Variants in RARB observed in about 807,000 individuals in gnomAD.
RARB encodes retinoic acid receptor beta, also known as HBV-activated protein.
In RARB, 17 loss-of-function variants were observed where a neutral mutation model predicts 51.9. That is an observed-to-expected ratio of 0.33 (90% CI 0.22 to 0.49). RARB has a LOEUF of 0.49. Ranked by LOEUF, RARB falls within the 20% of genes least tolerant of loss-of-function variation. The probability of loss-of-function intolerance (pLI) is 0.99; values close to 1 mark genes in which losing one functional copy is unlikely to be tolerated. For missense variants in RARB, 369 were observed against 550.8 expected, an observed-to-expected ratio of 0.67 and a Z score of 3.30; for synonymous variants, 215 against 195.4, an observed-to-expected ratio of 1.10 and a Z score of -0.84.
intron 5 of RARB, among the ~76,000 whole-genome samples, chr3:25,180,149 C>T (rs1159707507): frequency 6.6e-6 from 1 of 152,058 alleles, no homozygotes; most frequent in Non-Finnish European, 1.5e-5. Context: ...ATCATAAAGA[C>T]GGGAATGACT....
At chr3:24,930,621 A>C (rs1041182428) in intron 2 of RARB, among the ~76,000 whole-genome samples, 7 of 152,114 alleles carry the variant, frequency 4.6e-5, no homozygotes, top group Admixed American at 2.6e-4. Context: ...AAACATTTAC[A>C]TAGTGTCTGC....
chr3:25,046,678 C>T (rs954579381), intron 2 of RARB, among the ~76,000 whole-genome samples: 2 of 152,092 alleles, frequency 1.3e-5, no homozygotes, highest in African/African-American at 4.8e-5. Context: ...TGGTTTCAAA[C>T]TCCTGTCCTC....
At chr3:25,496,294 A>G (rs958164228) in intron 2 of RARB, among the ~76,000 whole-genome samples, 2 of 152,096 alleles carry the variant, frequency 1.3e-5, no homozygotes, top group Admixed American at 6.5e-5. Flanking sequence ...AAATTGAAAC[A>G]TTTTCCTGCC....
intron 3 of RARB, among the ~76,000 whole-genome samples, chr3:25,559,491 T>C (rs1646767132): frequency 6.6e-6 from 1 of 152,220 alleles, no homozygotes; most frequent in Admixed American, 6.5e-5. Context: ...TCTAGCTCAG[T>C]GCATGATAGT....
intron 2 of RARB, among the ~76,000 whole-genome samples, chr3:24,950,625 C>G (rs1213399506): frequency 6.6e-6 from 1 of 151,038 alleles, no homozygotes; most frequent in Non-Finnish European, 1.5e-5. Flanking sequence ...CCATTGTTGT[C>G]ATGTTTGCTA....
chr3:24,918,547 G>C (rs148939260), intron 2 of RARB, among the ~76,000 whole-genome samples: 2 of 152,268 alleles, frequency 1.3e-5, no homozygotes, highest in Admixed American at 6.5e-5. Context: ...GAATGTTATG[G>C]TATGTTAATA....
chr3:25,496,546 T>C (rs973453736), intron 2 of RARB, among the ~76,000 whole-genome samples: 3 of 152,226 alleles, frequency 2.0e-5, no homozygotes, highest in Admixed American at 2.0e-4. Flanking sequence ...AAATGCACAG[T>C]GCCTATTGGG....
At chr3:25,238,853 C>T (rs1010446296) in intron 5 of RARB, among the ~76,000 whole-genome samples, 8 of 152,072 alleles carry the variant, frequency 5.3e-5, no homozygotes, top group Non-Finnish European at 8.8e-5. Context: ...ATGGCGCGTG[C>T]CTGTAGTCCC....
chr3:25,077,712 GTGTGTGTA>G (rs1186591152), intron 3 of RARB, among the ~76,000 whole-genome samples: 3 of 152,098 alleles, frequency 2.0e-5, no homozygotes, highest in African/African-American at 7.2e-5. Flanking sequence ...CACAGAGTGT[GTGTGTGTA>G]TGTGTGTATG....
intron 2 of RARB, among the ~76,000 whole-genome samples, chr3:24,903,827 A>C (rs11927180): frequency 0.061 from 9,221 of 152,270 alleles, 434 homozygotes; most frequent in East Asian, 0.15. Flanking sequence ...TTTTTAAAAG[A>C]ATCTTAAGGA....
At chr3:25,470,622 T>G (rs550226181) in intron 2 of RARB, among the ~76,000 whole-genome samples, 1 of 152,330 alleles carries the variant, frequency 6.6e-6, no homozygotes, top group African/African-American at 2.4e-5. Context: ...AATCTATCCA[T>G]TCTGTTAACA....
chr3:24,933,204 T>G (rs1381288809), intron 2 of RARB, among the ~76,000 whole-genome samples: 1 of 152,070 alleles, frequency 6.6e-6, no homozygotes, highest in Non-Finnish European at 1.5e-5. Flanking sequence ...TTCAAATAAC[T>G]CTGCATCATT....
At chr3:25,571,083 G>A (rs1700692576) in intron 4 of RARB, among the ~76,000 whole-genome samples, 1 of 152,160 alleles carries the variant, frequency 6.6e-6, no homozygotes, top group Non-Finnish European at 1.5e-5. Flanking sequence ...CATGGAATCT[G>A]GGGCCAGCAC....
At chr3:25,050,191 A>G (rs978232767) in intron 2 of RARB, among the ~76,000 whole-genome samples, 8 of 152,194 alleles carry the variant, frequency 5.3e-5, no homozygotes, top group South Asian at 2.1e-4. Context: ...TGAAATGACT[A>G]TGCAACGGTC....
chr3:25,417,198 T>TG (rs551542519), intron 5 of RARB, among the ~76,000 whole-genome samples: 1 of 141,610 alleles, frequency 7.1e-6, no homozygotes, highest in Admixed American at 7.0e-5. Context: ...AAAAACCAAT[T>TG]AAAAAAAAAA....
chr3:25,197,043 T>C (rs527861307), intron 5 of RARB, among the ~76,000 whole-genome samples: 1 of 152,278 alleles, frequency 6.6e-6, no homozygotes, highest in African/African-American at 2.4e-5. Context: ...TGGTAGTTTC[T>C]TTTGCCGTTC....
At chr3:24,887,955 C>T (rs1419098860) in intron 2 of RARB, among the ~76,000 whole-genome samples, 1 of 152,110 alleles carries the variant, frequency 6.6e-6, no homozygotes, top group Non-Finnish European at 1.5e-5. Context: ...GATCTTGGCC[C>T]TGTGTGCTGT....
At chr3:24,976,012 A>C (rs547321296) in intron 2 of RARB, among the ~76,000 whole-genome samples, 45 of 152,310 alleles carry the variant, frequency 3.0e-4, no homozygotes, top group Non-Finnish European at 5.1e-4. Context: ...GAGTGAGAAC[A>C]TGCGGTGTTT....
intron 2 of RARB, among the ~76,000 whole-genome samples, chr3:25,489,697 A>G (rs1696634173): frequency 6.6e-6 from 1 of 152,196 alleles, no homozygotes; most frequent in Non-Finnish European, 1.5e-5. Context: ...TGTATTTTGG[A>G]GCATGAGCAG....
Sources: gnomAD v4.1 joint callset for allele counts (sites outside exome capture counted in the v4.1 genomes callset) on GRCh38, gnomAD v4.1.1 for gene constraint, MANE v1.5 for transcripts, NCBI Gene and HGNC (gene_info 2026-07-23, HGNC 2026-07-21) for gene names.